The following EPB41 variants were observed in gnomAD, a reference collection of about 807,000 sequenced individuals.
EPB41 encodes the protein erythrocyte membrane protein band 4.1.
EPB41 carries 65 observed loss-of-function variants against 108.0 expected under a neutral mutation model. That is an observed-to-expected ratio of 0.60 (90% confidence interval 0.49 to 0.74). EPB41 has a LOEUF of 0.74. EPB41 is among the 30% of genes least tolerant of loss of function. The probability of loss-of-function intolerance (pLI) is 0.00; values close to 1 mark genes in which losing one functional copy is unlikely to be tolerated. For synonymous variants in EPB41, 336 were observed against 358.9 expected (o/e 0.94, Z 0.72); for missense variants, 875 against 1,037.0 (o/e 0.84, Z 2.15).
At position 28,887,841 on chromosome 1, in the gene EPB41, G is replaced by T. The variant is rs1180785797; in HGVS notation, c.-8+631G>T. 1 of 210,538 alleles carries T rather than the reference G, an allele frequency of 4.7e-6. No individual in the cohort carries two copies. Among genetic ancestry groups the T allele is most frequent in the Non-Finnish European group, 8.2e-6 (1 of 121,368 alleles). 13.0% of individuals were successfully genotyped at this position (210,538 alleles called of 1,614,324 possible). On this transcript the variant is annotated intron_variant, in intron 1 of 16. Transcript: ENST00000347529. The surrounding 1 kb of genome is among the most constrained non-coding windows in gnomAD (Gnocchi z 4.9). ...TGGTCTAGGGGACTTCCCTCTGTCT[G>T]GGTCTCCCGGGTCTCTCTGTCCGGT...
chr1:29,010,565 A>G (rs758131943), intron 4 of EPB41, among the ~76,000 whole-genome samples: 10 of 152,104 alleles, frequency 6.6e-5, no homozygotes, highest in Non-Finnish European at 1.2e-4. Context: ...AAATTTAGAA[A>G]TTTCTGTCTT....
At position 29,119,540 on chromosome 1, in the gene EPB41, C is replaced by G. The variant is rs1356931676; in HGVS notation, c.*2728C>G. ...GACCTGTATTTATAAGCCGAGGGCT[C>G]AGGGAGCCTAACTGCGGGACCCGTC... is the stretch of plus-strand genomic sequence containing the variant. On this transcript the variant is annotated 3_prime_UTR_variant, in exon 21 of 21. Coordinates refer to ENST00000343067, the MANE Select transcript of EPB41 (RefSeq NM_001376013.1). 2.0e-5 allele frequency: 3 copies of G among 152,298 alleles called. No homozygotes were observed. In the East Asian group the frequency reaches 5.8e-4, roughly 29 times the overall value. 9.4% of individuals were successfully genotyped at this position (152,298 alleles called of 1,614,324 possible).
chr1:29,022,925 CA>C (rs2096664968), intron 7 of EPB41, among the ~76,000 whole-genome samples: 1 of 152,138 alleles, frequency 6.6e-6, no homozygotes, highest in Admixed American at 6.5e-5. Flanking sequence ...ACCTTTTCAT[CA>C]CTGTTTCAGA....
At chr1:29,043,901 C>T (rs1254279332) in intron 11 of EPB41, among the ~76,000 whole-genome samples, 1 of 152,126 alleles carries the variant, frequency 6.6e-6, no homozygotes, top group African/African-American at 2.4e-5. Context: ...ATAGGGCTGA[C>T]TGAATTGCTG....
chr1:29,096,593 C>G (rs934122833), intron 16 of EPB41: 4 of 985,338 alleles, frequency 4.1e-6, no homozygotes, highest in Admixed American at 6.2e-5. Context: ...CACCCTCATT[C>G]GAAGTTTCCA....
chr1:29,014,043 G>A (rs1010528625), intron 5 of EPB41, among the ~76,000 whole-genome samples: 6 of 151,918 alleles, frequency 3.9e-5, no homozygotes, highest in Non-Finnish European at 8.8e-5. Context: ...ATGGCCAGTT[G>A]CAGTGGCTCA....
intron 2 of EPB41, among the ~76,000 whole-genome samples, chr1:28,989,624 G>A (rs930158406): frequency 6.6e-6 from 1 of 152,120 alleles, no homozygotes; most frequent in African/African-American, 2.4e-5. Context: ...AATTATAATT[G>A]CACACTTGCT....
intron 1 of EPB41, among the ~76,000 whole-genome samples, chr1:28,979,950 G>T (rs373487502): frequency 6.6e-6 from 1 of 152,224 alleles, no homozygotes; most frequent in African/African-American, 2.4e-5. Context: ...ATTTCAAAAT[G>T]TTATGAATAA....
intron 8 of EPB41, 33 bp from the exon 9 acceptor site, chr1:29,033,060 C>T (rs376437087): frequency 6.2e-7 from 1 of 1,610,854 alleles, no homozygotes; most frequent in Non-Finnish European, 8.5e-7. Flanking sequence ...GTACTTTGCT[C>T]CAGACTGAAA....
At chr1:29,091,525 T>G (rs898496230) in intron 16 of EPB41, among the ~76,000 whole-genome samples, 1 of 152,218 alleles carries the variant, frequency 6.6e-6, no homozygotes, top group African/African-American at 2.4e-5. Context: ...CCCCAGACCC[T>G]AGGACATTAT....
chr1:29,082,657 A>G (rs1657204437), intron 16 of EPB41, among the ~76,000 whole-genome samples: 2 of 152,186 alleles, frequency 1.3e-5, no homozygotes, highest in Non-Finnish European at 2.9e-5. Flanking sequence ...CTGGTCTGTT[A>G]GACATGCTTA....
chr1:28,906,007 T>G (rs2091796133), intron 1 of EPB41, among the ~76,000 whole-genome samples: 1 of 152,016 alleles, frequency 6.6e-6, no homozygotes, highest in African/African-American at 2.4e-5. Context: ...TTAGTAGAGA[T>G]ATGGTTTTGC....
chr1:29,098,361 A>AT (rs898979350), intron 17 of EPB41, among the ~76,000 whole-genome samples: 3 of 151,912 alleles, frequency 2.0e-5, no homozygotes, highest in Admixed American at 2.0e-4. Context: ...CGCCTGGCTA[A>AT]TTTTTTTGTA....
intron 1 of EPB41, among the ~76,000 whole-genome samples, chr1:28,980,198 C>G (rs1013844645): frequency 6.6e-6 from 1 of 151,912 alleles, no homozygotes; most frequent in African/African-American, 2.4e-5. Flanking sequence ...ATTAGCCAGA[C>G]TTGGTGGTGC....
chr1:29,077,768 A>G (rs1654705763), intron 16 of EPB41, among the ~76,000 whole-genome samples: 1 of 152,232 alleles, frequency 6.6e-6, no homozygotes, highest in Non-Finnish European at 1.5e-5. Flanking sequence ...TGAAAGTAGT[A>G]TAGATAACAC....
At chr1:29,023,826 T>C (rs576193871) in intron 7 of EPB41, among the ~76,000 whole-genome samples, 1 of 152,104 alleles carries the variant, frequency 6.6e-6, no homozygotes, top group African/African-American at 2.4e-5. Context: ...ATAGTTAAAA[T>C]CTTGGGCTCT....
At chr1:29,108,148 C>A (rs1051283587) in intron 17 of EPB41, among the ~76,000 whole-genome samples, 2 of 129,158 alleles carry the variant, frequency 1.5e-5, no homozygotes, top group Non-Finnish European at 1.7e-5. Context: ...CCTCTTATTT[C>A]TTTTTTTTTT....
chr1:29,036,039 T>C, intron 10 of EPB41, 116 bp downstream of exon 10: 1 of 764,192 alleles, frequency 1.3e-6, no homozygotes. Flanking sequence ...TTAGCTCAGG[T>C]GAGATCATCT....
intron 1 of EPB41, among the ~76,000 whole-genome samples, chr1:28,960,219 C>G (rs2095147211): frequency 6.6e-6 from 1 of 151,388 alleles, no homozygotes; most frequent in Non-Finnish European, 1.5e-5. Context: ...TCATGTTACC[C>G]AGGCTGGTCT....
Sources: allele counts gnomAD v4.1 joint callset (sites outside exome capture counted in the v4.1 genomes callset), GRCh38; gene constraint gnomAD v4.1.1; non-coding constraint Gnocchi (gnomAD v3.1); transcripts MANE v1.5; gene names NCBI Gene and HGNC (gene_info 2026-07-23, HGNC 2026-07-21).